The following DPRX variants were observed in gnomAD, a reference collection of about 807,000 sequenced individuals.
DPRX encodes the protein divergent paired-related homeobox.
In DPRX, 11 loss-of-function variants were observed where a neutral mutation model predicts 8.4. The ratio of observed to expected loss-of-function variants is 1.31; its 90% CI spans 0.82 to 2.17. The LOEUF is 2.17. Ranked by LOEUF, DPRX falls within the 30% of genes most tolerant of loss-of-function variation. The pLI is 0.00. For missense variants in DPRX, 211 were observed against 236.7 expected, an observed-to-expected ratio of 0.89 and a Z score of 0.71; for synonymous variants, 72 against 87.0, an observed-to-expected ratio of 0.83 and a Z score of 0.96.
At chr19:53,634,148 C>T (rs1042672264) in intron 1 of DPRX, among the ~76,000 whole-genome samples, 6 of 151,606 alleles carry the variant, frequency 4.0e-5, no homozygotes, top group Non-Finnish European at 5.9e-5. Context: ...ACCTCAGTCA[C>T]GGCCGGGCAC....
At chr19:53,627,740 A>G (rs2091076899), upstream of DPRX, among the ~76,000 whole-genome samples, 1 of 146,438 alleles carries the variant, frequency 6.8e-6, no homozygotes, top group Admixed American at 6.8e-5. Flanking sequence ...TGCCCAGCCA[A>G]GATGTTTTTC....
exon 3 of DPRX, chr19:53,636,740 T>C (rs745996785): frequency 6.8e-6 from 11 of 1,614,150 alleles, no homozygotes; most frequent in South Asian, 3.3e-5. Flanking sequence ...ACTACCCAGA[T>C]TGCCCAACGC....
chr19:53,606,178 T>G, the DPRX span: 3 of 151,968 alleles, frequency 2.0e-5, no homozygotes, highest in Admixed American at 2.0e-4. This position sits in a 1 kb window ranked among gnomAD's most constrained non-coding sequence, Gnocchi z 4.8. Flanking sequence ...GGGGTGCTGG[T>G]GTGGGCGTGG....
chr19:53,609,353 AG>A, the DPRX span, among the ~76,000 whole-genome samples: 1 of 151,186 alleles, frequency 6.6e-6, no homozygotes, highest in East Asian at 2.0e-4. Context: ...CTATAATCGG[AG>A]CTACCCAGGA....
At chr19:53,634,105 C>T (rs12985296) in intron 1 of DPRX, among the ~76,000 whole-genome samples, 34,235 of 152,134 alleles carry the variant, frequency 0.23, 4,858 homozygotes, top group Non-Finnish European at 0.3. Context: ...GCCTGAGGCA[C>T]GACCCCGGCC....
chr19:53,624,555 G>C, the DPRX span, among the ~76,000 whole-genome samples: 2 of 151,946 alleles, frequency 1.3e-5, no homozygotes, highest in Non-Finnish European at 2.9e-5. Context: ...TGGGATTACA[G>C]GCGTGAGCCA....
At chr19:53,619,928 C>G in the DPRX span, among the ~76,000 whole-genome samples, 90 of 152,018 alleles carry the variant, frequency 5.9e-4, no homozygotes, top group African/African-American at 2.1e-3. Flanking sequence ...CCTTTGAAGC[C>G]TGTTGAAGAC....
the DPRX span, among the ~76,000 whole-genome samples, chr19:53,608,635 G>T: frequency 6.6e-6 from 1 of 152,178 alleles, no homozygotes; most frequent in Non-Finnish European, 1.5e-5. Flanking sequence ...TGTACTAAAT[G>T]CCACTGAACT....
upstream of DPRX, among the ~76,000 whole-genome samples, chr19:53,631,502 G>A (rs1248166623): frequency 6.6e-6 from 1 of 152,018 alleles, no homozygotes; most frequent in Non-Finnish European, 1.5e-5. Flanking sequence ...TGTTAGATAT[G>A]GAAATCATCA....
chr19:53,633,995 C>A (rs948671628), intron 1 of DPRX, among the ~76,000 whole-genome samples: 2 of 152,150 alleles, frequency 1.3e-5, no homozygotes, highest in Non-Finnish European at 2.9e-5. Context: ...AAAGGAACAA[C>A]CTTTTCCTAT....
intron 1 of DPRX, among the ~76,000 whole-genome samples, chr19:53,634,017 A>G (rs1044204591): frequency 9.2e-5 from 14 of 152,186 alleles, no homozygotes; most frequent in Admixed American, 2.6e-4. Context: ...AAAATGACAA[A>G]TGAGGCTTGG....
intron 1 of DPRX, 66 bp downstream of exon 1, chr19:53,632,200 GA>G: frequency 6.2e-7 from 1 of 1,612,178 alleles, no homozygotes; most frequent in African/African-American, 1.3e-5. Context: ...CTGGCGGCGG[GA>G]AAAGGCAGAG....
At chr19:53,619,854 C>A in the DPRX span, among the ~76,000 whole-genome samples, 444 of 110,884 alleles carry the variant, frequency 4.0e-3, no homozygotes, top group Middle Eastern at 0.015. Flanking sequence ...GACTCTATCT[C>A]AAAAAAAAAA....
At chr19:53,610,774 A>T in the DPRX span, among the ~76,000 whole-genome samples, 6 of 152,234 alleles carry the variant, frequency 3.9e-5, no homozygotes, top group African/African-American at 7.2e-5. Context: ...AGCTATCGTT[A>T]GTGTATTTTA....
chr19:53,612,856 C>T, the DPRX span, among the ~76,000 whole-genome samples: 2 of 152,126 alleles, frequency 1.3e-5, no homozygotes, highest in African/African-American at 4.8e-5. Context: ...CCCAGCAAAC[C>T]TGTCTCTCTG....
At chr19:53,603,481 CA>C in the DPRX span, 2 of 437,856 alleles carry the variant, frequency 4.6e-6, no homozygotes, top group South Asian at 3.1e-5. Context: ...GCTTTGGGTA[CA>C]GAATTCATCT....
At chr19:53,631,741 C>T (rs1365550567), upstream of DPRX, among the ~76,000 whole-genome samples, 1 of 152,006 alleles carries the variant, frequency 6.6e-6, no homozygotes, top group African/African-American at 2.4e-5. Context: ...GCCTGGGTGA[C>T]AGAGTGGGAC....
At chr19:53,608,201 A>T in the DPRX span, 7 of 149,150 alleles carry the variant, frequency 4.7e-5, no homozygotes, top group Non-Finnish European at 8.9e-5. Flanking sequence ...TAAATAAATA[A>T]AAATAAATAA....
upstream of DPRX, among the ~76,000 whole-genome samples, chr19:53,631,532 T>G (rs2091092721): frequency 6.6e-6 from 1 of 151,734 alleles, no homozygotes; most frequent in Non-Finnish European, 1.5e-5. Flanking sequence ...CCAGACCGAG[T>G]CAGAAACGTT....
Sources: allele counts gnomAD v4.1 joint callset (sites outside exome capture counted in the v4.1 genomes callset), GRCh38; gene constraint gnomAD v4.1.1; non-coding constraint Gnocchi (gnomAD v3.1); transcripts MANE v1.5; gene names NCBI Gene and HGNC (gene_info 2026-07-23, HGNC 2026-07-21).